FANCD2: variants seen among roughly 807,000 people sequenced by gnomAD.
The protein encoded by FANCD2 is FA complementation group D2.
A neutral mutation model predicts 192.3 loss-of-function variants in FANCD2; 131 were observed. That is an observed-to-expected ratio of 0.68 (90% CI 0.59 to 0.79). The LOEUF (loss-of-function observed/expected upper bound fraction) is 0.79, where lower values mean the gene tolerates loss of function less well. Ranked by LOEUF, FANCD2 falls within the 30% of genes least tolerant of loss-of-function variation. The probability of loss-of-function intolerance (pLI) is 0.00; values close to 1 mark genes in which losing one functional copy is unlikely to be tolerated. For missense variants in FANCD2, 1,508 were observed against 1,701.6 expected (o/e 0.89, Z 2.00); for synonymous variants, 524 against 612.5 (o/e 0.86, Z 2.13).
chr3:10,029,618 G>C (rs34175232), intron 2 of FANCD2, among the ~76,000 whole-genome samples: 2 of 152,140 alleles, frequency 1.3e-5, no homozygotes, highest in Non-Finnish European at 2.9e-5. Flanking sequence ...TTGGGAACAG[G>C]TGGTGTTCGG....
intron 14 of FANCD2, among the ~76,000 whole-genome samples, chr3:10,045,088 G>GTTTTTTTTTTTTTTTTTTTTTT (rs76340293): frequency 7.8e-6 from 1 of 128,938 alleles, no homozygotes; most frequent in Non-Finnish European, 1.6e-5. Flanking sequence ...CTTTTTAACT[G>GTTTTTTTTTTTTTTTTTTTTTT]TTTTTTTTTT....
At chr3:10,042,723 C>G in intron 11 of FANCD2, 60 bp downstream of exon 11, 1 of 1,297,610 alleles carries the variant, frequency 7.7e-7, no homozygotes, top group Non-Finnish European at 1.1e-6. Flanking sequence ...TTGCTCTTCT[C>G]TGTCCCCAGA....
chr3:10,085,497 T>A (rs1357323351), intron 32 of FANCD2, among the ~76,000 whole-genome samples: 1 of 151,762 alleles, frequency 6.6e-6, no homozygotes, highest in Non-Finnish European at 1.5e-5. Context: ...GTTCTAGCGA[T>A]TCTTCTGCCT....
At chr3:10,086,399 T>C (rs1482131612) in intron 33 of FANCD2, among the ~76,000 whole-genome samples, 2 of 152,140 alleles carry the variant, frequency 1.3e-5, no homozygotes, top group Non-Finnish European at 2.9e-5. Context: ...TCAGAGTGAC[T>C]TGGTCTTTCT....
chr3:10,069,459 G>GGCTCCCCCCCCCCCCCCCCCCC (rs758011243), intron 26 of FANCD2, among the ~76,000 whole-genome samples: 2 of 129,432 alleles, frequency 1.5e-5, no homozygotes, highest in African/African-American at 7.8e-5. Flanking sequence ...TAGTTAAGAT[G>GGCTCCCCCCCCCCCCCCCCCCC]CCTCTCCCCC....
At chr3:10,054,817 C>T (rs1018002613) in intron 18 of FANCD2, among the ~76,000 whole-genome samples, 7 of 151,360 alleles carry the variant, frequency 4.6e-5, no homozygotes, top group African/African-American at 9.7e-5. Flanking sequence ...TTTTCCCCCC[C>T]TTTCTTGGAT....
intron 17 of FANCD2, among the ~76,000 whole-genome samples, chr3:10,051,513 G>C (rs1482826143): frequency 6.6e-6 from 1 of 151,616 alleles, no homozygotes; most frequent in Non-Finnish European, 1.5e-5. Context: ...GGTAACCTCT[G>C]AGAGAACAGT....
At chr3:10,035,826 G>C (rs1017487356) in intron 6 of FANCD2, among the ~76,000 whole-genome samples, 2 of 151,960 alleles carry the variant, frequency 1.3e-5, no homozygotes, top group Admixed American at 1.3e-4. Flanking sequence ...AGCTCCCCTT[G>C]CAAGTTATTT....
At chr3:10,068,580 A>G (rs1171162351) in intron 26 of FANCD2, among the ~76,000 whole-genome samples, 3 of 152,076 alleles carry the variant, frequency 2.0e-5, no homozygotes, top group African/African-American at 4.8e-5. Context: ...AACACAATCT[A>G]CAGATTCAAG....
intron 37 of FANCD2, among the ~76,000 whole-genome samples, chr3:10,090,661 T>C (rs1274629251): frequency 6.6e-6 from 1 of 152,080 alleles, no homozygotes; most frequent in Non-Finnish European, 1.5e-5. Flanking sequence ...GGTTTCACCA[T>C]GTTGGCCAGG....
rs557416506 is a variant in FANCD2, at chr3:10,071,187, A to G, written c.2495-1684A>G. On this transcript the variant is annotated intron_variant, in intron 26 of 43. Transcript: ENST00000675286. ...ATGGCTTTTATCCAAAGGACAGGCA[A>G]TAACAGATGCTGGTGAGAATATGGA... Among the ~76,000 whole-genome samples the G allele has an allele frequency of 1.2e-3, 179 of 152,286 alleles. 3 individuals are homozygous for G. The South Asian group carries it at 0.019, about 16-fold the overall frequency.
rs1034476200 is a variant in FANCD2 at position 10,101,697 on chromosome 3, A to C, written c.*435A>C. The C allele has an allele frequency of 3.7e-6, 1 of 270,602 alleles. No homozygotes were observed. The highest frequency in any genetic ancestry group is 6.2e-5 in the South Asian group (1 of 16,206). 16.8% of individuals were successfully genotyped at this position (270,602 alleles called of 1,614,324 possible). ...CGCTCCCAGCCATATTTTGTTCTTA[A>C]AGTGGGGTCTTTATTAACTTGTGGA... On this transcript the variant is annotated 3_prime_UTR_variant, in exon 44 of 44. Coordinates refer to ENST00000675286, the MANE Select transcript of FANCD2 (RefSeq NM_001018115.3).
intron 37 of FANCD2, among the ~76,000 whole-genome samples, chr3:10,091,614 A>G (rs1270467384): frequency 6.6e-6 from 1 of 151,940 alleles, no homozygotes; most frequent in Non-Finnish European, 1.5e-5. Flanking sequence ...GGCTTACCTC[A>G]TGCCAGTTAG....
chr3:10,082,648 C>A (rs528856146), intron 32 of FANCD2, among the ~76,000 whole-genome samples: 1 of 152,302 alleles, frequency 6.6e-6, no homozygotes, highest in South Asian at 2.1e-4. Context: ...AGGACCCCCA[C>A]TCTTCTTGAT....
chr3:10,041,135 A>T (rs1406140544), intron 9 of FANCD2: 4 of 181,000 alleles, frequency 2.2e-5, no homozygotes, highest in Non-Finnish European at 3.5e-5. Flanking sequence ...TCGAAGCTAC[A>T]GTGAGCTGTG....
intron 18 of FANCD2, among the ~76,000 whole-genome samples, chr3:10,054,479 T>A (rs1286436866): frequency 1.8e-4 from 9 of 51,268 alleles, no homozygotes; most frequent in East Asian, 4.2e-4. Flanking sequence ...ATATATTTTT[T>A]TTTTTTTTTT....
chr3:10,073,389 G>A (rs1468146953), intron 28 of FANCD2, 27 bp downstream of exon 28: 1 of 1,465,496 alleles, frequency 6.8e-7, no homozygotes, highest in South Asian at 1.1e-5. Flanking sequence ...TATCCGTGAA[G>A]GTTTGTGACA....
chr3:10,086,431 G>A (rs1237973684), intron 33 of FANCD2, among the ~76,000 whole-genome samples: 5 of 152,066 alleles, frequency 3.3e-5, no homozygotes, highest in Admixed American at 6.5e-5. Flanking sequence ...TGGTAACCTA[G>A]ACCATCACTG....
chr3:10,090,369 C>T lies in FANCD2; in HGVS notation c.3761C>T (p.Ala1254Val). 1 of 1,609,672 alleles carries T rather than the reference C, an allele frequency of 6.2e-7. No homozygotes were observed. The highest frequency in any genetic ancestry group is 8.5e-7 in the Non-Finnish European group (1 of 1,178,394). The change falls in exon 37 of 44, where the codon GCA becomes GTA. Residue 1254 changes from alanine to valine, a missense_variant. By Grantham distance (64) the Ala-to-Val change is moderately conservative. Around this residue, in one of 5 missense-constraint regions of FANCD2, gnomAD observed 796 missense variants for 879.4 expected, o/e 0.91. Coordinates refer to ENST00000675286, the MANE Select transcript of FANCD2 (RefSeq NM_001018115.3). ...GTGAAAAAAATTGAGCCTGGCACAG[C>T]AGCAGACTCGCAGCAGGTGAGTAAG... Reference protein sequence around the residue: ...KTVKKIEPGTAADSQQIHEEK... With the variant: ...KTVKKIEPGTVADSQQIHEEK...
Sources: gnomAD v4.1 joint callset for allele counts (sites outside exome capture counted in the v4.1 genomes callset) on GRCh38, gnomAD v4.1.1 for gene constraint, gnomAD v4.1.1 regional missense constraint, MANE v1.5 for transcripts, NCBI Gene and HGNC (gene_info 2026-07-23, HGNC 2026-07-21) for gene names.